The following B4GALT6 variants were observed in gnomAD, a reference collection of about 807,000 sequenced individuals.
B4GALT6 encodes the protein UDP-Gal:beta-GlcNAc beta-1,4-galactosyltransferase 6.
A neutral mutation model predicts 46.3 loss-of-function variants in B4GALT6; 14 were observed. The observed-to-expected ratio is 0.30, with a 90% confidence interval of 0.20 to 0.47. B4GALT6 has a LOEUF of 0.47. Ranked by LOEUF, B4GALT6 falls within the 20% of genes least tolerant of loss-of-function variation. The pLI is 0.99. For missense variants in B4GALT6, 386 were observed against 480.1 expected (o/e 0.80, Z 1.83); for synonymous variants, 168 against 162.0 (o/e 1.04, Z -0.28).
intron 5 of B4GALT6, among the ~76,000 whole-genome samples, chr18:31,638,276 C>T (rs554140906): frequency 1.3e-5 from 2 of 152,114 alleles, no homozygotes; most frequent in Non-Finnish European, 2.9e-5. Context: ...ACCTGTAATC[C>T]TAGCACTTTA....
At chr18:31,699,517 GC>G in the B4GALT6 span, among the ~76,000 whole-genome samples, 9,211 of 151,134 alleles carry the variant, frequency 0.061, 537 homozygotes, top group African/African-American at 0.15. Context: ...CAGGTGATCT[GC>G]CTGCCTCGGC....
Position 31,681,952 on chromosome 18 carries a change from A to G in B4GALT6, c.115+2360T>C, listed in dbSNP as rs575058252. On this transcript the variant is annotated intron_variant, in intron 1 of 8. Transcript: ENST00000306851. ...TCTTGAAGTTATTATTTCAAGAAAA[A>G]TCCACATACATCGAATAAAAACTAG... Among the ~76,000 whole-genome samples, 58 of 152,324 alleles carry G rather than the reference A, an allele frequency of 3.8e-4. 1 individual carries two copies. The South Asian group carries it at 9.1e-3, about 24-fold the overall frequency.
At chr18:31,632,298 A>G (rs1377165446) in intron 5 of B4GALT6, among the ~76,000 whole-genome samples, 1 of 152,230 alleles carries the variant, frequency 6.6e-6, no homozygotes, top group Non-Finnish European at 1.5e-5. Context: ...GTGAAATAAA[A>G]TAAAAAGAAA....
the B4GALT6 span, among the ~76,000 whole-genome samples, chr18:31,709,553 ATGTGTGTGTGTGTGTGTGTGTGTG>A: frequency 3.2e-5 from 4 of 126,792 alleles, no homozygotes; most frequent in African/African-American, 1.3e-4. Flanking sequence ...TAGGATATAT[ATGTGTGTGTGTGTGTGTGTGTGTG>A]TGTGTGTGTG....
chr18:31,668,726 C>T (rs1428290265), intron 1 of B4GALT6, among the ~76,000 whole-genome samples: 2 of 151,714 alleles, frequency 1.3e-5, no homozygotes, highest in African/African-American at 4.8e-5. Context: ...TCTGGCCGGG[C>T]GTGGTGGCTC....
At chr18:31,707,402 T>C in the B4GALT6 span, among the ~76,000 whole-genome samples, 1 of 152,090 alleles carries the variant, frequency 6.6e-6, no homozygotes, top group East Asian at 1.9e-4. Flanking sequence ...GATGATCATT[T>C]TATTCTTTCT....
At chr18:31,628,466 C>T (rs1426362866) in intron 6 of B4GALT6, among the ~76,000 whole-genome samples, 1 of 152,118 alleles carries the variant, frequency 6.6e-6, no homozygotes, top group African/African-American at 2.4e-5. Flanking sequence ...CCATTTATTG[C>T]TCTAAGTGGA....
At chr18:31,657,925 C>T in intron 3 of B4GALT6, 51 bp downstream of exon 3, 1 of 1,448,880 alleles carries the variant, frequency 6.9e-7, no homozygotes, top group Non-Finnish European at 9.7e-7. Flanking sequence ...GTTTTTATGA[C>T]TGTATTGTAA....
the B4GALT6 span, among the ~76,000 whole-genome samples, chr18:31,701,204 A>ATGAGT: frequency 1.3e-5 from 2 of 152,294 alleles, no homozygotes. Context: ...ATTTAACACC[A>ATGAGT]TCTCCTTGGT....
At chr18:31,708,900 A>G in the B4GALT6 span, among the ~76,000 whole-genome samples, 2 of 152,354 alleles carry the variant, frequency 1.3e-5, no homozygotes, top group Admixed American at 1.3e-4. Flanking sequence ...TAGGTGCGCC[A>G]TTAGGAAACA....
chr18:31,659,138 G>A (rs768099256), intron 2 of B4GALT6, among the ~76,000 whole-genome samples: 9 of 152,174 alleles, frequency 5.9e-5, no homozygotes, highest in Non-Finnish European at 1.2e-4. Context: ...CACAAACAAT[G>A]TACTACAGAA....
At chr18:31,651,823 T>C (rs975713643) in intron 3 of B4GALT6, among the ~76,000 whole-genome samples, 10 of 152,162 alleles carry the variant, frequency 6.6e-5, no homozygotes, top group Non-Finnish European at 7.4e-5. Context: ...CAGGCTGAAG[T>C]GCAGTGGCGA....
At chr18:31,703,871 A>G in the B4GALT6 span, among the ~76,000 whole-genome samples, 1 of 152,234 alleles carries the variant, frequency 6.6e-6, no homozygotes. Flanking sequence ...GTTCTTTTGC[A>G]TATGTATCAG....
upstream of B4GALT6, among the ~76,000 whole-genome samples, chr18:31,690,826 A>T (rs1393361256): frequency 6.6e-6 from 1 of 152,162 alleles, no homozygotes; most frequent in Non-Finnish European, 1.5e-5. Context: ...CATAAAAAAG[A>T]ATGAGCTCAT....
chr18:31,709,869 G>A, the B4GALT6 span, among the ~76,000 whole-genome samples: 2 of 151,946 alleles, frequency 1.3e-5, no homozygotes, highest in South Asian at 2.1e-4. Flanking sequence ...AAGGCAGGCC[G>A]ATCATCTGAG....
chr18:31,688,247 GTA>G (rs1555643326), upstream of B4GALT6, among the ~76,000 whole-genome samples: 6 of 106,456 alleles, frequency 5.6e-5, no homozygotes, highest in South Asian at 7.8e-4. Flanking sequence ...ATAATTGAGT[GTA>G]TATATATATA....
chr18:31,629,973 T>C (rs1306489763), intron 6 of B4GALT6, among the ~76,000 whole-genome samples: 2 of 138,762 alleles, frequency 1.4e-5, no homozygotes, highest in African/African-American at 2.7e-5. Flanking sequence ...ATGATAACAA[T>C]GACCAGCAAA....
chr18:31,712,364 G>A, the B4GALT6 span, among the ~76,000 whole-genome samples: 5 of 137,656 alleles, frequency 3.6e-5, no homozygotes, highest in African/African-American at 1.1e-4. Flanking sequence ...GTGCAGTGGC[G>A]TGATCTTGGC....
intron 1 of B4GALT6, among the ~76,000 whole-genome samples, chr18:31,673,363 G>A (rs887832822): frequency 6.6e-6 from 1 of 152,168 alleles, no homozygotes; most frequent in Non-Finnish European, 1.5e-5. Context: ...GAAGCAGAAG[G>A]TTAAGAAGGC....
Sources: gnomAD v4.1 joint callset for allele counts (sites outside exome capture counted in the v4.1 genomes callset) on GRCh38, gnomAD v4.1.1 for gene constraint, MANE v1.5 for transcripts, NCBI Gene and HGNC (gene_info 2026-07-23, HGNC 2026-07-21) for gene names.